Variants in CCDC7 observed in about 807,000 individuals in gnomAD.
CCDC7 encodes the protein coiled-coil domain-containing protein 7.
In CCDC7, 183 loss-of-function variants were observed where a neutral mutation model predicts 196.9. The ratio of observed to expected loss-of-function variants is 0.93; its 90% CI spans 0.82 to 1.05. The LOEUF (loss-of-function observed/expected upper bound fraction) is 1.05, where lower values mean the gene tolerates loss of function less well. CCDC7 is among the 50% of genes least tolerant of loss of function. The pLI, the probability that CCDC7 is intolerant of heterozygous loss-of-function variation, is 0.00. For missense variants in CCDC7, 1,540 were observed against 1,482.2 expected (o/e 1.04, Z -0.64); for synonymous variants, 525 against 484.6 (o/e 1.08, Z -1.10).
At chr10:32,451,581 T>G (rs138558761), upstream of CCDC7, 1 of 1,518,374 alleles carries the variant, frequency 6.6e-7, no homozygotes, top group Non-Finnish European at 8.8e-7. Context: ...ATCTCTTATT[T>G]TTTTTCACAG....
At chr10:32,459,257 A>G (rs1007033690) in intron 3 of CCDC7, among the ~76,000 whole-genome samples, 3 of 152,064 alleles carry the variant, frequency 2.0e-5, no homozygotes, top group African/African-American at 7.2e-5. Context: ...GAGGCCCTCC[A>G]CTTAGTTGCT....
chr10:32,843,258 A>G (rs966066139), intron 33 of CCDC7, among the ~76,000 whole-genome samples: 5 of 127,036 alleles, frequency 3.9e-5, no homozygotes, highest in Non-Finnish European at 9.9e-5. Flanking sequence ...GCACAGTATT[A>G]TATAAATAAT....
chr10:32,647,995 G>C (rs2068072796), intron 20 of CCDC7, among the ~76,000 whole-genome samples: 1 of 152,158 alleles, frequency 6.6e-6, no homozygotes, highest in African/African-American at 2.4e-5. Flanking sequence ...ATTTTGAGTT[G>C]ATACTCATAT....
chr10:32,652,407 T>A (rs2068937752), intron 20 of CCDC7, among the ~76,000 whole-genome samples: 1 of 152,148 alleles, frequency 6.6e-6, no homozygotes, highest in Admixed American at 6.5e-5. Context: ...TCCTTTAACA[T>A]TCATGGTTAT....
At chr10:32,773,810 T>C (rs2079543755) in intron 28 of CCDC7, among the ~76,000 whole-genome samples, 2 of 152,160 alleles carry the variant, frequency 1.3e-5, no homozygotes, top group African/African-American at 4.8e-5. Context: ...GTGTTAGGTC[T>C]TTATTGCTTA....
chr10:32,845,536 T>C lies in CCDC7; in HGVS notation c.3437-7T>C, dbSNP rs1367138186. ...AAAATATACTGAAATCTGTTTTATT[T>C]CTATAGAGACTGATAAGAACTTCTT... On this transcript the variant is annotated splice_polypyrimidine_tract_variant and splice_region_variant and intron_variant, in intron 34 of 41. Transcript: ENST00000639629. 1 of 1,596,632 alleles carries C rather than the reference T, an allele frequency of 6.3e-7. No homozygotes were observed. Among genetic ancestry groups the C allele is most frequent in the African/African-American group, 1.3e-5 (1 of 74,264 alleles).
intron 21 of CCDC7, among the ~76,000 whole-genome samples, chr10:32,669,817 G>A (rs921425385): frequency 6.6e-6 from 1 of 151,650 alleles, no homozygotes; most frequent in African/African-American, 2.4e-5. Flanking sequence ...TGTTGTTGTT[G>A]TTGTCCATAA....
chr10:32,595,788 A>C (rs2060273015), intron 18 of CCDC7, among the ~76,000 whole-genome samples: 1 of 152,060 alleles, frequency 6.6e-6, no homozygotes, highest in Admixed American at 6.6e-5. Context: ...TTCTGCCTTC[A>C]TTTTGTTATG....
At chr10:32,444,743 T>C (rs915732588), upstream of CCDC7, among the ~76,000 whole-genome samples, 2 of 151,352 alleles carry the variant, frequency 1.3e-5, no homozygotes, top group Non-Finnish European at 2.9e-5. Flanking sequence ...AAATAAAAAA[T>C]TGTTGGTGGA....
At chr10:32,557,124 T>TA (rs2054489767) in intron 13 of CCDC7, among the ~76,000 whole-genome samples, 1 of 152,222 alleles carries the variant, frequency 6.6e-6, no homozygotes, top group Non-Finnish European at 1.5e-5. Flanking sequence ...TTTCTTAAAA[T>TA]AACTTTGTTA....
chr10:32,477,200 T>C (rs764875032), intron 8 of CCDC7, among the ~76,000 whole-genome samples: 1 of 148,742 alleles, frequency 6.7e-6, no homozygotes, highest in Non-Finnish European at 1.5e-5. Flanking sequence ...ATAACTATGA[T>C]CCATTTTGAG....
rs564333662 is a variant in CCDC7 at position 32,524,718 on chromosome 10, G to A, written c.993+6213G>A. On this transcript the variant is annotated intron_variant, in intron 11 of 41. Coordinates refer to ENST00000639629, the Ensembl canonical transcript of CCDC7. ...ATGGTATGCCACTTTCTCCTGGCCT[G>A]TAAGTTTTCCACTGAAAGTCTGCTG... Among the ~76,000 whole-genome samples, 8 of 152,268 alleles carry A rather than the reference G, an allele frequency of 5.3e-5. No individual in the cohort carries two copies. The South Asian group carries it at 1.4e-3, about 28-fold the overall frequency.
intron 28 of CCDC7, among the ~76,000 whole-genome samples, chr10:32,754,001 T>C (rs754533048): frequency 1.3e-5 from 2 of 152,146 alleles, no homozygotes; most frequent in African/African-American, 2.4e-5. Context: ...CCATGTTTCA[T>C]GATGAAATGA....
Position 32,689,170 on chromosome 10 carries a change from A to G in CCDC7, c.2344+7A>G. Reference sequence around the variant, plus strand: ...AAAGGGCAAAGAATTATTAGTAAGTATAAAAAGTAAAGATAACTTTAAATT... The same window carrying G: ...AAAGGGCAAAGAATTATTAGTAAGTGTAAAAAGTAAAGATAACTTTAAATT... On this transcript the variant is annotated splice_region_variant and intron_variant, in intron 23 of 41. Coordinates refer to ENST00000639629, the Ensembl canonical transcript of CCDC7. The G allele has an allele frequency of 1.4e-6, 2 of 1,480,058 alleles. No individual in the cohort carries two copies. The highest frequency in any genetic ancestry group is 1.9e-6 in the Non-Finnish European group (2 of 1,074,194). 91.7% of individuals were successfully genotyped at this position (1,480,058 alleles called of 1,614,324 possible). A position where few individuals can be genotyped will look rare whatever the true frequency, so the allele number is the denominator to read the frequency against.
At chr10:32,499,372 A>G (rs1385723824) in intron 9 of CCDC7, 1 of 152,116 alleles carries the variant, frequency 6.6e-6, no homozygotes, top group Non-Finnish European at 1.5e-5. Context: ...AAATAAATTT[A>G]TCAGAAGGAG....
rs566703093 is a variant in CCDC7 at position 32,789,147 on chromosome 10, C to A, written c.3013+10063C>A. Among the ~76,000 whole-genome samples the A allele has an allele frequency of 1.9e-4, 27 of 139,624 alleles. No homozygotes were observed. In the East Asian group the frequency reaches 2.5e-3, roughly 13 times the overall value. 91.6% of individuals were successfully genotyped at this position (139,624 alleles called of 152,430 possible). A position where few individuals can be genotyped will look rare whatever the true frequency, so the allele number is the denominator to read the frequency against. ...CAGTTTGTAAAGACTGGAATAAGTG[C>A]CTACTTCTTCAAATGTGAAAATACC... On this transcript the variant is annotated intron_variant, in intron 29 of 41. Transcript: ENST00000639629.
intron 29 of CCDC7, among the ~76,000 whole-genome samples, chr10:32,794,391 C>T (rs2083212180): frequency 6.6e-6 from 1 of 152,122 alleles, no homozygotes. Context: ...CTTTTGAGTG[C>T]ATGTGTCTTT....
At chr10:32,654,393 AT>A in intron 20 of CCDC7, among the ~76,000 whole-genome samples, 1 of 152,190 alleles carries the variant, frequency 6.6e-6, no homozygotes, top group Non-Finnish European at 1.5e-5. Flanking sequence ...GTGTCTGATA[AT>A]TTTTTGTTTA....
intron 20 of CCDC7, among the ~76,000 whole-genome samples, chr10:32,640,701 C>T (rs1470214281): frequency 6.6e-6 from 1 of 151,914 alleles, no homozygotes; most frequent in African/African-American, 2.4e-5. Flanking sequence ...TAGGGCAGGC[C>T]TGGTGGTGAC....
Sources: allele counts gnomAD v4.1 joint callset (sites outside exome capture counted in the v4.1 genomes callset), GRCh38; gene constraint gnomAD v4.1.1; transcripts MANE v1.5; gene names NCBI Gene and HGNC (gene_info 2026-07-23, HGNC 2026-07-21).